B4GALNT2: variants seen among roughly 807,000 people sequenced by gnomAD.
B4GALNT2 encodes N-acetylneuraminylgalactosylglucosyl-glucoside beta-1,4-N- acetylgalactosaminyltransferase 2.
B4GALNT2 carries 42 observed loss-of-function variants against 51.1 expected under a neutral mutation model. The ratio of observed to expected loss-of-function variants is 0.82; its 90% CI spans 0.64 to 1.06. B4GALNT2 has a LOEUF of 1.06. B4GALNT2 is among the 50% of genes least tolerant of loss of function. The pLI, the probability that B4GALNT2 is intolerant of heterozygous loss-of-function variation, is 0.00. For missense variants in B4GALNT2, 602 were observed against 633.6 expected (o/e 0.95, Z 0.54); for synonymous variants, 253 against 251.7 (o/e 1.01, Z -0.05).
chr17:49,162,282 A>G (rs2042872068), intron 7 of B4GALNT2, among the ~76,000 whole-genome samples: 1 of 152,242 alleles, frequency 6.6e-6, no homozygotes, highest in Admixed American at 6.5e-5. Context: ...TAAGAAAAGA[A>G]CACCCAATAA....
intron 1 of B4GALNT2, among the ~76,000 whole-genome samples, chr17:49,137,996 A>C (rs2042605516): frequency 6.6e-6 from 1 of 152,228 alleles, no homozygotes. Flanking sequence ...TAAAGTGAGC[A>C]GGCAAATAAT....
rs1598212029 is a variant in B4GALNT2 at position 49,159,098 on chromosome 17, T to C, written c.560T>C (p.Val187Ala). 6.2e-7 allele frequency: 1 copy of C among 1,614,212 alleles called. No homozygotes were observed. The highest frequency in any genetic ancestry group is 8.5e-7 in the Non-Finnish European group (1 of 1,180,040). Residue 187 changes from valine (V) to alanine (A), a missense_variant, in exon 6 of 11, where the codon GTG (valine) becomes GCG (alanine). Transcript: ENST00000393354. The part of the protein sequence containing the change: ...NTLADVPDSV[V>A]QGRGQKQLII... ...CTTGCTGATGTCCCAGACAGTGTGG[T>C]GCAGGGCAGAGGCCAGAAGCAGCTG...
intron 3 of B4GALNT2, among the ~76,000 whole-genome samples, chr17:49,148,145 C>G (rs2042713854): frequency 6.6e-6 from 1 of 151,630 alleles, no homozygotes; most frequent in Non-Finnish European, 1.5e-5. Flanking sequence ...ACTAAAAATA[C>G]AAAAATTAGT....
rs937168391 is a variant in B4GALNT2 at position 49,175,055 on chromosome 17, A to G, written c.*5327A>G. 6.6e-6 allele frequency: 1 copy of G among 152,186 alleles called. No individual in the cohort carries two copies. Among genetic ancestry groups the G allele is most frequent in the Non-Finnish European group, 1.5e-5 (1 of 68,038 alleles). The allele number at this position is 152,186 out of a possible 1,614,324, so 9.4% of individuals were successfully genotyped here. On this transcript the variant is annotated 3_prime_UTR_variant, in exon 11 of 11. Coordinates refer to ENST00000393354, the MANE Select transcript of B4GALNT2 (RefSeq NM_001159387.2). ...CATGTTGTCCATCGGGCCCCTCACAATGCAAAATATAATTACTTTGATATA... is the reference window on the plus strand; with the variant it reads ...CATGTTGTCCATCGGGCCCCTCACAGTGCAAAATATAATTACTTTGATATA...
In B4GALNT2 at chr17:49,157,319, C is replaced by T. The variant is rs2042820014; in HGVS notation, c.498+716C>T. 2.0e-5 allele frequency among the ~76,000 whole-genome samples: 3 copies of T among 147,572 alleles called. No homozygotes were observed. The South Asian group carries it at 6.8e-4, about 33-fold the overall frequency. ...GGACTGCAGGCACGCACCAACAAAC[C>T]TGGTTAATTTTTTTTTTTTGAGATG... is the stretch of plus-strand genomic sequence containing the variant. On this transcript the variant is annotated intron_variant, in intron 5 of 10. Coordinates refer to ENST00000393354, the MANE Select transcript of B4GALNT2 (RefSeq NM_001159387.2).
Position 49,176,216 on chromosome 17 carries a change from C to T in B4GALNT2, c.*6488C>T, listed in dbSNP as rs1001394087. On this transcript the variant is annotated 3_prime_UTR_variant, in exon 11 of 11. Transcript: ENST00000393354. ...TGGGCGCCACTTGCCGACACCAGCT[C>T]GGTCTTGGAGACCCTAACCCAGCGG... The T allele has an allele frequency of 4.6e-5, 7 of 152,238 alleles. No homozygotes were observed. The highest frequency in any genetic ancestry group is 8.8e-5 in the Non-Finnish European group (6 of 68,070). 9.4% of individuals were successfully genotyped at this position (152,238 alleles called of 1,614,324 possible). A position where few individuals can be genotyped will look rare whatever the true frequency, so the allele number is the denominator to read the frequency against.
rs1440811569 is a variant in B4GALNT2 at position 49,168,662 on chromosome 17, T to G, written c.1096-19T>G. 6.2e-7 allele frequency: 1 copy of G among 1,609,504 alleles called. No individual in the cohort carries two copies. The highest frequency in any genetic ancestry group is 1.3e-5 in the African/African-American group (1 of 75,012). On this transcript the variant is annotated intron_variant, in intron 9 of 10. Coordinates refer to ENST00000393354, the MANE Select transcript of B4GALNT2 (RefSeq NM_001159387.2). ...TATTGATCTGCACTCTAACATGGAT[T>G]TCTCTGCCTGCTGGCTAGGTAGGCG...
chr17:49,150,890 C>A (rs1481563624), intron 3 of B4GALNT2, among the ~76,000 whole-genome samples: 1 of 151,324 alleles, frequency 6.6e-6, no homozygotes. Flanking sequence ...CCAAATCCCC[C>A]TCTGCGAGAA....
chr17:49,165,955 G>A (rs1453347795), intron 8 of B4GALNT2, among the ~76,000 whole-genome samples, 159 bp from the exon 9 acceptor site: 1 of 152,146 alleles, frequency 6.6e-6, no homozygotes, highest in East Asian at 1.9e-4. Context: ...TCAACCCTGT[G>A]GTTCACAGCC....
intron 3 of B4GALNT2, among the ~76,000 whole-genome samples, chr17:49,146,262 A>G (rs1392502132): frequency 1.3e-5 from 2 of 152,198 alleles, no homozygotes; most frequent in South Asian, 2.1e-4. Context: ...GATGGGGAAC[A>G]TGGTAAGACC....
Position 49,174,760 on chromosome 17 carries a change from A to G in B4GALNT2, c.*5032A>G, listed in dbSNP as rs1270325379. 6.6e-6 allele frequency: 1 copy of G among 152,228 alleles called. No individual in the cohort carries two copies. Among genetic ancestry groups the G allele is most frequent in the East Asian group, 1.9e-4 (1 of 5,198 alleles). The allele number at this position is 152,228 out of a possible 1,614,324, so 9.4% of individuals were successfully genotyped here. On this transcript the variant is annotated 3_prime_UTR_variant, in exon 11 of 11. Transcript: ENST00000393354. ...CTCATCTGTTAACCATTTTAAAGGT[A>G]TAGGTTCTGGAAGCTTAACAATGGC...
intron 1 of B4GALNT2, among the ~76,000 whole-genome samples, chr17:49,134,813 A>T (rs2042575725): frequency 6.6e-6 from 1 of 151,348 alleles, no homozygotes; most frequent in African/African-American, 2.4e-5. Context: ...CTAGTCCCGA[A>T]CTCCTGACCT....
At chr17:49,159,761 G>A (rs1470375678) in intron 6 of B4GALNT2, among the ~76,000 whole-genome samples, 1 of 152,102 alleles carries the variant, frequency 6.6e-6, no homozygotes, top group Non-Finnish European at 1.5e-5. Flanking sequence ...GCCACTCGAG[G>A]AGAGAACAAA....
Position 49,166,106 on chromosome 17 carries a change from A to T in B4GALNT2, c.955-8A>T, listed in dbSNP as rs777486789. On this transcript the variant is annotated splice_polypyrimidine_tract_variant and splice_region_variant and intron_variant, in intron 8 of 10. Transcript: ENST00000393354. ...GCAACCACTCCTTTAACCTCATTTC[A>T]TCTACAGGGTTGGTTTGCTGGTAGG... The T allele has an allele frequency of 1.2e-6, 2 of 1,613,336 alleles. No homozygotes were observed. The highest frequency in any genetic ancestry group is 1.1e-5 in the South Asian group (1 of 90,950).
intron 1 of B4GALNT2, among the ~76,000 whole-genome samples, chr17:49,134,492 C>A (rs1287411655): frequency 6.6e-6 from 1 of 152,236 alleles, no homozygotes; most frequent in African/African-American, 2.4e-5. Flanking sequence ...GCAATCTTTC[C>A]CTCCCGAGCT....
chr17:49,159,032 C>T lies in B4GALNT2; in HGVS notation c.499-5C>T, dbSNP rs951441256. The T allele has an allele frequency of 6.2e-7, 1 of 1,613,708 alleles. No individual in the cohort carries two copies. ...TTGAGCATCATTCTACCTCACCCACCCTAGGTCACCCTGACAGCTTCTCTG... is the reference window on the plus strand; with the variant it reads ...TTGAGCATCATTCTACCTCACCCACTCTAGGTCACCCTGACAGCTTCTCTG... On this transcript the variant is annotated splice_region_variant and splice_polypyrimidine_tract_variant and intron_variant, in intron 5 of 10. Transcript: ENST00000393354.
At chr17:49,125,941 C>G in the B4GALNT2 span, among the ~76,000 whole-genome samples, 87 of 149,014 alleles carry the variant, frequency 5.8e-4, no homozygotes, top group Admixed American at 2.3e-3. Flanking sequence ...TCTGCCCGAC[C>G]GCCCCTACTG....
intron 3 of B4GALNT2, among the ~76,000 whole-genome samples, chr17:49,151,901 TTCA>T (rs1365600274): frequency 6.6e-6 from 1 of 152,186 alleles, no homozygotes; most frequent in African/African-American, 2.4e-5. Flanking sequence ...TCCACCTCCC[TTCA>T]GGAATTGGTC....
At chr17:49,157,430 C>T (rs1406549579) in intron 5 of B4GALNT2, among the ~76,000 whole-genome samples, 2 of 148,474 alleles carry the variant, frequency 1.3e-5, no homozygotes, top group East Asian at 2.0e-4. Flanking sequence ...AATCGAGTCT[C>T]CTGCCTCAGC....
Sources: allele counts gnomAD v4.1 joint callset (sites outside exome capture counted in the v4.1 genomes callset), GRCh38; gene constraint gnomAD v4.1.1; transcripts MANE v1.5; gene names NCBI Gene and HGNC (gene_info 2026-07-23, HGNC 2026-07-21).